PCSK6: variants seen among roughly 807,000 people sequenced by gnomAD.
PCSK6 encodes the protein proprotein convertase subtilisin/kexin type 6.
In PCSK6, 85 loss-of-function variants were observed where a neutral mutation model predicts 123.3. That is an observed-to-expected ratio of 0.69 (90% CI 0.58 to 0.83). PCSK6 has a LOEUF of 0.83. PCSK6 is among the 40% of genes least tolerant of loss of function. The pLI is 0.00. For synonymous variants in PCSK6, 508 were observed against 516.0 expected (o/e 0.98, Z 0.21); for missense variants, 1,191 against 1,282.3 (o/e 0.93, Z 1.09).
At chr15:101,409,584 C>CA (rs10666147) in intron 6 of PCSK6, among the ~76,000 whole-genome samples, 9,271 of 121,700 alleles carry the variant, frequency 0.076, 478 homozygotes, top group East Asian at 0.19. Context: ...GACTCCGTCT[C>CA]AAAAAAAAAA....
chr15:101,340,832 C>T (rs907923896), intron 13 of PCSK6, among the ~76,000 whole-genome samples: 12 of 152,034 alleles, frequency 7.9e-5, no homozygotes, highest in Non-Finnish European at 1.8e-4. Context: ...CTTTCCCCCA[C>T]CACCCTTTCA....
At chr15:101,366,001 G>T in intron 13 of PCSK6, 195 bp downstream of exon 13, 1 of 516,354 alleles carries the variant, frequency 1.9e-6, no homozygotes, top group Non-Finnish European at 3.3e-6. Context: ...ACGTTTACAT[G>T]ACATCGTGGA....
intron 11 of PCSK6, among the ~76,000 whole-genome samples, chr15:101,380,340 C>G (rs1031505668): frequency 6.6e-6 from 1 of 152,226 alleles, no homozygotes; most frequent in African/African-American, 2.4e-5. Flanking sequence ...GACGGGGACA[C>G]GAGCGGAGGC....
chr15:101,476,047 G>C (rs111834604), intron 1 of PCSK6, among the ~76,000 whole-genome samples: 1 of 152,122 alleles, frequency 6.6e-6, no homozygotes, highest in Non-Finnish European at 1.5e-5. Context: ...CAGACTATTC[G>C]GGTTCAAATC....
At position 101,440,782 on chromosome 15, in the gene PCSK6, T is replaced by C. The variant is rs80233506; in HGVS notation, c.402+2774A>G. On this transcript the variant is annotated intron_variant, in intron 2 of 21. Coordinates refer to ENST00000611716, the MANE Select transcript of PCSK6 (RefSeq NM_002570.5). ...CGTTCTGATGCACTGCAATAAAAGATAACACTAAATACTTCCATAAAACAG... is the reference window on the plus strand; with the variant it reads ...CGTTCTGATGCACTGCAATAAAAGACAACACTAAATACTTCCATAAAACAG... Among the ~76,000 whole-genome samples, 36 of 152,364 alleles carry C rather than the reference T, an allele frequency of 2.4e-4. 1 individual carries two copies. In the East Asian group the frequency reaches 6.5e-3, roughly 28 times the overall value.
In PCSK6 at chr15:101,479,815, G is replaced by A. The variant is rs548273905; in HGVS notation, c.297+9559C>T. On this transcript the variant is annotated intron_variant, in intron 1 of 21. Coordinates refer to ENST00000611716, the MANE Select transcript of PCSK6 (RefSeq NM_002570.5). ...CAGATCTCCACCCAGGGAAGAGTCCGGCAATGATCAGGGAGGTGAACTTGG... is the reference window on the plus strand; with the variant it reads ...CAGATCTCCACCCAGGGAAGAGTCCAGCAATGATCAGGGAGGTGAACTTGG... 1.0e-3 allele frequency among the ~76,000 whole-genome samples: 159 copies of A among 152,264 alleles called. 1 individual carries two copies. The highest frequency in any genetic ancestry group is 3.6e-3 in the African/African-American group (150 of 41,554).
intron 11 of PCSK6, among the ~76,000 whole-genome samples, chr15:101,377,667 C>T (rs774272077): frequency 4.6e-5 from 7 of 152,202 alleles, no homozygotes; most frequent in South Asian, 2.1e-4. Flanking sequence ...GACCGCCATA[C>T]GCAGTCTAGT....
chr15:101,339,470 TA>T (rs1248486871), intron 13 of PCSK6, among the ~76,000 whole-genome samples: 1 of 152,172 alleles, frequency 6.6e-6, no homozygotes, highest in Non-Finnish European at 1.5e-5. Flanking sequence ...GCGGAAGGAA[TA>T]AAAAAGCTTA....
At chr15:101,409,964 G>T (rs1180620181) in intron 6 of PCSK6, among the ~76,000 whole-genome samples, 1 of 152,098 alleles carries the variant, frequency 6.6e-6, no homozygotes, top group Non-Finnish European at 1.5e-5. Flanking sequence ...TTTGAGTCTT[G>T]CTCTGTTGCC....
Position 101,429,674 on chromosome 15 carries a change from C to T in PCSK6, c.734+313G>A, listed in dbSNP as rs190850826. On this transcript the variant is annotated intron_variant, in intron 5 of 21. Transcript: ENST00000611716. ...GTCTTCACACAGCAGGTCATGGAGA[C>T]GGTTAGACTTAAGGGTTTCTCTTTT... is the stretch of plus-strand genomic sequence containing the variant. Among the ~76,000 whole-genome samples, 31 of 152,324 alleles carry T rather than the reference C, an allele frequency of 2.0e-4. No homozygotes were observed. In the East Asian group the frequency reaches 4.6e-3, roughly 23 times the overall value.
intron 1 of PCSK6, among the ~76,000 whole-genome samples, chr15:101,444,836 C>G (rs1193373953): frequency 6.6e-6 from 1 of 152,162 alleles, no homozygotes; most frequent in East Asian, 1.9e-4. Context: ...AGTTGACTGG[C>G]CCAGGTGGAG....
chr15:101,316,910 G>GTTTTTTTTTTTTTTTTTTTTTTTTTTT (rs57613156), intron 19 of PCSK6, among the ~76,000 whole-genome samples: 1 of 114,972 alleles, frequency 8.7e-6, no homozygotes, highest in African/African-American at 3.9e-5. Context: ...ACTTAATTCT[G>GTTTTTTTTTTTTTTTTTTTTTTTTTTT]TTTTTTTTTT....
chr15:101,326,928 G>A (rs2040268836), intron 15 of PCSK6, among the ~76,000 whole-genome samples: 1 of 152,198 alleles, frequency 6.6e-6, no homozygotes, highest in Non-Finnish European at 1.5e-5. Flanking sequence ...TGTCAGGGGA[G>A]CTGCTGGCAA....
intron 6 of PCSK6, among the ~76,000 whole-genome samples, chr15:101,408,152 C>T (rs28684649): frequency 0.028 from 4,286 of 152,280 alleles, 192 homozygotes; most frequent in African/African-American, 0.098. Context: ...CTGCACCACA[C>T]GCAAGTACGG....
chr15:101,454,581 T>G (rs1330448329), intron 1 of PCSK6, among the ~76,000 whole-genome samples: 1 of 151,958 alleles, frequency 6.6e-6, no homozygotes, highest in Non-Finnish European at 1.5e-5. Context: ...GCCAAATTCA[T>G]AGAGACAGAA....
intron 11 of PCSK6, among the ~76,000 whole-genome samples, chr15:101,377,188 C>G (rs1422681967): frequency 1.7e-5 from 1 of 57,640 alleles, no homozygotes; most frequent in Non-Finnish European, 7.2e-5. Flanking sequence ...GATGAGACGC[C>G]AGCAGCTGTG....
At chr15:101,457,734 G>C (rs566442810) in intron 1 of PCSK6, among the ~76,000 whole-genome samples, 9 of 152,242 alleles carry the variant, frequency 5.9e-5, no homozygotes, top group Admixed American at 1.3e-4. Flanking sequence ...GCTGTGCCGG[G>C]GACAGCCCAC....
intron 13 of PCSK6, among the ~76,000 whole-genome samples, chr15:101,338,714 AG>A: frequency 6.6e-6 from 1 of 152,334 alleles, no homozygotes; most frequent in South Asian, 2.1e-4. Flanking sequence ...TTCTAAAAGG[AG>A]GGGGTCTTAA....
chr15:101,466,572 C>T (rs2057465117), intron 1 of PCSK6, among the ~76,000 whole-genome samples: 1 of 152,074 alleles, frequency 6.6e-6, no homozygotes, highest in Non-Finnish European at 1.5e-5. Flanking sequence ...TTATTCACAA[C>T]AGCAAAAAAC....
Sources: gnomAD v4.1 joint callset for allele counts (sites outside exome capture counted in the v4.1 genomes callset) on GRCh38, gnomAD v4.1.1 for gene constraint, MANE v1.5 for transcripts, NCBI Gene and HGNC (gene_info 2026-07-23, HGNC 2026-07-21) for gene names.